The following PDZD7 variants were observed in gnomAD, a reference collection of about 807,000 sequenced individuals.
PDZD7 encodes PDZ domain containing 7.
Under a neutral mutation model 84.7 loss-of-function variants are expected in PDZD7, and 72 were observed. The observed-to-expected ratio is 0.85, with a 90% confidence interval of 0.70 to 1.03. PDZD7 has a LOEUF of 1.03. Among genes scored for constraint, PDZD7 ranks in the 50% least tolerant of loss-of-function variants. PDZD7 has a pLI of 0.00. For missense variants in PDZD7, 1,490 were observed against 1,412.9 expected, an observed-to-expected ratio of 1.05 and a Z score of -0.87; for synonymous variants, 594 against 580.7, an observed-to-expected ratio of 1.02 and a Z score of -0.33.
chr10:101,029,985 C>T lies in PDZD7; in HGVS notation c.226+9G>A, dbSNP rs771745846. 1.4e-5 allele frequency: 23 copies of T among 1,611,398 alleles called. No individual in the cohort carries two copies. Among genetic ancestry groups the T allele is most frequent in the Admixed American group, 1.7e-5 (1 of 59,996 alleles). The stretch of plus-strand genomic sequence containing the variant: ...CCAACCCAGGCCAGTGGCTGGGTCC[C>T]GCCCCTACCTTCGATGGGGGAGTTG... On this transcript the variant is annotated intron_variant, in intron 2 of 16. Coordinates refer to ENST00000619208, the MANE Select transcript of PDZD7 (RefSeq NM_001195263.2).
intron 9 of PDZD7, chr10:101,017,224 G>C (rs1465644929): frequency 5.5e-6 from 1 of 183,400 alleles, no homozygotes; most frequent in East Asian, 1.4e-4. Flanking sequence ...CTTTCCCCTG[G>C]GGTTGCTATG....
rs1465344876 is a variant in PDZD7, at chr10:101,008,783, T to C, written c.2786A>G (p.Asp929Gly). 2 of 1,532,904 alleles carry C rather than the reference T, an allele frequency of 1.3e-6. No homozygotes were observed. Among genetic ancestry groups the C allele is most frequent in the Admixed American group, 3.9e-5 (2 of 50,888 alleles). The allele number at this position is 1,532,904 out of a possible 1,614,324, so 95.0% of individuals were successfully genotyped here. ...LEQVTHQRAV[D>G]TIRRAYRNKA... is the part of the protein sequence containing the mutation. ...GTTTCGATAAGCCCGACGGATGGTG[T>C]CTACTGCACGCTGGTGGGTCACCTG... is the stretch of plus-strand genomic sequence containing the variant. Residue 929 changes from aspartate to glycine, a missense_variant, in exon 17 of 17, where the codon GAC (aspartate) becomes GGC (glycine). Physicochemically the swap from Asp to Gly is moderately conservative, Grantham distance 94. Coordinates refer to ENST00000619208, the MANE Select transcript of PDZD7 (RefSeq NM_001195263.2).
At chr10:101,026,326 G>A (rs1937698599) in intron 2 of PDZD7, among the ~76,000 whole-genome samples, 2 of 152,080 alleles carry the variant, frequency 1.3e-5, no homozygotes, top group South Asian at 4.2e-4. Flanking sequence ...GTAGAGACAG[G>A]GTTTCACCAT....
chr10:101,022,234 A>C lies in PDZD7; in HGVS notation c.694T>G (p.Phe232Val). ...LGFNIRGGKE[F>V]GLGIYVSKVD... ...TTGGACACATAGATGCCCAGGCCAA[A>C]CTCCTTGCCCCCACGGATGTTGAAG... Residue 232 changes from phenylalanine to valine, a missense_variant, in exon 5 of 17, where the codon TTT becomes GTT. Physicochemically the swap from Phe to Val is conservative, Grantham distance 50 (BLOSUM62 -1). Transcript: ENST00000619208. 4 of 1,614,064 alleles carry C rather than the reference A, an allele frequency of 2.5e-6. No homozygotes were observed. The highest frequency in any genetic ancestry group is 3.4e-6 in the Non-Finnish European group (4 of 1,179,996).
chr10:101,023,981 G>A lies in PDZD7; in HGVS notation c.314C>T (p.Ser105Leu). The A allele has an allele frequency of 1.9e-6, 3 of 1,614,244 alleles. No individual in the cohort carries two copies. The highest frequency in any genetic ancestry group is 2.5e-6 in the Non-Finnish European group (3 of 1,180,042). Residue 105 changes from serine (S) to leucine (L), a missense_variant, in exon 3 of 17, where the codon TCA becomes TTA. Ser to Leu is a moderately radical substitution (Grantham distance 145). Coordinates refer to ENST00000619208, the MANE Select transcript of PDZD7 (RefSeq NM_001195263.2). ...GRLGFSVRGG[S>L]EHGLGIFVSK... is the part of the protein sequence containing the mutation. The stretch of plus-strand genomic sequence containing the variant: ...GACGAAGATGCCCAGGCCATGCTCT[G>A]AGCCCCCGCGCACGCTGAAGCCCAG...
Position 101,019,072 on chromosome 10 carries a change from G to A in PDZD7, c.1074C>T (p.Ser358=), listed in dbSNP as rs1388994864. The A allele has an allele frequency of 1.3e-6, 2 of 1,572,192 alleles. No individual in the cohort carries two copies. The highest frequency in any genetic ancestry group is 1.7e-6 in the Non-Finnish European group (2 of 1,165,502). The change falls in exon 8 of 17, where the codon AGC becomes AGT. Residue 358 remains serine, a synonymous_variant. Transcript: ENST00000619208. ...DICLGQEEPG[S]RGPGWGRADT... is the part of the protein sequence containing the mutation. ...CCGCCCGCCCCCAGCCTGGGCCGCG[G>A]CTGCCGGGCTCCTCCTGCCCGAGGC...
chr10:101,017,629 CA>C (rs781029391), intron 9 of PDZD7: 1 of 699,872 alleles, frequency 1.4e-6, no homozygotes, highest in South Asian at 1.5e-5. Context: ...CAAAAAGATG[CA>C]AAAAAATTAG....
At chr10:101,027,062 C>T (rs7907287) in intron 2 of PDZD7, among the ~76,000 whole-genome samples, 60 of 152,254 alleles carry the variant, frequency 3.9e-4, no homozygotes, top group African/African-American at 1.3e-3. Context: ...ACTGCAGCCC[C>T]GGCACTATCC....
At chr10:101,017,875 G>A (rs1393967032) in intron 9 of PDZD7, 3 of 413,084 alleles carry the variant, frequency 7.3e-6, no homozygotes, top group East Asian at 3.8e-5. Context: ...AAGAAAGAAA[G>A]AAAGAAAGAA....
At position 101,027,215 on chromosome 10, in the gene PDZD7, A is replaced by T. The variant is rs531329859; in HGVS notation, c.226+2779T>A. Among the ~76,000 whole-genome samples the T allele has an allele frequency of 3.9e-5, 6 of 152,034 alleles. No individual in the cohort carries two copies. The East Asian group carries it at 1.2e-3, about 29-fold the overall frequency. On this transcript the variant is annotated intron_variant, in intron 2 of 16. Transcript: ENST00000619208. ...CTCCAGTCTCCTCACCATGCCCTAT[A>T]AGGCCCTGCCTGGGCTTTCCTCTGC...
intron 9 of PDZD7, among the ~76,000 whole-genome samples, chr10:101,017,108 CTT>C (rs1335887943): frequency 6.6e-6 from 1 of 152,150 alleles, no homozygotes. Context: ...AACAAAAGCA[CTT>C]TCCCTCCCAC....
At chr10:101,029,678 G>A (rs1937953096) in intron 2 of PDZD7, among the ~76,000 whole-genome samples, 1 of 152,232 alleles carries the variant, frequency 6.6e-6, no homozygotes, top group African/African-American at 2.4e-5. Context: ...GAGCCCATGG[G>A]AGAGAGGCCA....
chr10:101,018,783 G>A, intron 8 of PDZD7, 39 bp downstream of exon 8: 1 of 1,543,926 alleles, frequency 6.5e-7, no homozygotes, highest in Non-Finnish European at 8.7e-7. Context: ...TTGGACCAGA[G>A]GCTGTGGAGG....
Position 101,008,793 on chromosome 10 carries a change from G to A in PDZD7, c.2776C>T (p.Arg926Cys), listed in dbSNP as rs892735909. 2.6e-6 allele frequency: 4 copies of A among 1,530,568 alleles called. No individual in the cohort carries two copies. The highest frequency in any genetic ancestry group is 3.5e-6 in the Non-Finnish European group (4 of 1,142,702). 94.8% of individuals were successfully genotyped at this position (1,530,568 alleles called of 1,614,324 possible). Residue 926 changes from arginine (R) to cysteine (C), a missense_variant, in exon 17 of 17, where the codon CGT (arginine) becomes TGT (cysteine). By Grantham distance (180) the Arg-to-Cys change is radical. Coordinates refer to ENST00000619208, the MANE Select transcript of PDZD7 (RefSeq NM_001195263.2). ...GCCCGACGGATGGTGTCTACTGCAC[G>A]CTGGTGGGTCACCTGCTCTAGATTC... is the stretch of plus-strand genomic sequence containing the variant. Reference protein sequence around the residue: ...GENLEQVTHQRAVDTIRRAYR... With the variant: ...GENLEQVTHQCAVDTIRRAYR...
At position 101,030,260 on chromosome 10, in the gene PDZD7, A is replaced by T; in HGVS notation, c.-41T>A. 6.5e-7 allele frequency: 1 copy of T among 1,527,606 alleles called. No individual in the cohort carries two copies. The highest frequency in any genetic ancestry group is 8.9e-7 in the Non-Finnish European group (1 of 1,128,910). The allele number at this position is 1,527,606 out of a possible 1,614,324, so 94.6% of individuals were successfully genotyped here. On this transcript the variant is annotated 5_prime_UTR_variant, in exon 2 of 17. Coordinates refer to ENST00000619208, the MANE Select transcript of PDZD7 (RefSeq NM_001195263.2). Reference sequence around the variant, plus strand: ...GCGGCACCCTACAGGTCCAGAAGGAATCTGCTAGCTCTGGAGAGGCCAGCC... The same window carrying T: ...GCGGCACCCTACAGGTCCAGAAGGATTCTGCTAGCTCTGGAGAGGCCAGCC...
In PDZD7 at chr10:101,015,715, C is replaced by T. The variant is rs866781150; in HGVS notation, c.1670G>A (p.Arg557Gln). 2.5e-5 allele frequency: 38 copies of T among 1,550,336 alleles called. No homozygotes were observed. Among genetic ancestry groups the T allele is most frequent in the African/African-American group, 1.9e-4 (14 of 73,164 alleles). ...VDEQVQAWES[R>Q]RPLIQDLAQR... ...GGCCAGGTCCTGAATGAGGGGCCGC[C>T]GGCTCTCCCAGGCCTGAACCTGCTC... The change falls in exon 11 of 17, where the codon CGG (arginine) becomes CAG (glutamine). Residue 557 changes from arginine (R) to glutamine (Q), a missense_variant. Transcript: ENST00000619208.
At position 101,011,153 on chromosome 10, in the gene PDZD7, G is replaced by C. The variant is rs1033253024; in HGVS notation, c.2006-270C>G. On this transcript the variant is annotated intron_variant, in intron 14 of 16. Transcript: ENST00000619208. ...CCTCCCAGGTTCAAGCGAGTCTCCT[G>C]CCTCAGCCTCCCGGAGTAGCTGGGA... The C allele has an allele frequency of 9.1e-5, 88 of 971,364 alleles. No individual in the cohort carries two copies. In the African/African-American group the frequency reaches 1.3e-3, roughly 15 times the overall value. The allele number at this position is 971,364 out of a possible 1,614,324, so 60.2% of individuals were successfully genotyped here.
At chr10:101,015,244 C>T (rs807016) in intron 11 of PDZD7, among the ~76,000 whole-genome samples, 89,303 of 152,092 alleles carry the variant, frequency 0.59, 27,230 homozygotes, top group African/African-American at 0.72. Flanking sequence ...CAGAGGCAGG[C>T]GACTGCAGGG....
chr10:101,030,314 G>T lies in PDZD7; in HGVS notation c.-95C>A, dbSNP rs986849370. The T allele has an allele frequency of 9.2e-7, 1 of 1,091,570 alleles. No individual in the cohort carries two copies. The highest frequency in any genetic ancestry group is 2.0e-5 in the Admixed American group (1 of 50,488). 67.6% of individuals were successfully genotyped at this position (1,091,570 alleles called of 1,614,324 possible). A position where few individuals can be genotyped will look rare whatever the true frequency, so the allele number is the denominator to read the frequency against. On this transcript the variant is annotated 5_prime_UTR_variant, in exon 2 of 17. Transcript: ENST00000619208. ...CGTGCTTCGAGCTCCATGAGCCTCT[G>T]TGCGGGGCTGGGGTCTCAGTAACGT...
Sources: gnomAD v4.1 joint callset for allele counts (sites outside exome capture counted in the v4.1 genomes callset) on GRCh38, gnomAD v4.1.1 for gene constraint, MANE v1.5 for transcripts, NCBI Gene and HGNC (gene_info 2026-07-23, HGNC 2026-07-21) for gene names.